The following CYBA variants were observed in gnomAD, a reference collection of about 807,000 sequenced individuals.
CYBA encodes the protein cytochrome b-245 light chain.
In CYBA, 21 loss-of-function variants were observed where a neutral mutation model predicts 20.8. The observed-to-expected ratio is 1.01, with a 90% CI of 0.72 to 1.46. The LOEUF is 1.46. CYBA is among the 40% of genes most tolerant of loss of function. The pLI is 0.00. For synonymous variants in CYBA, 164 were observed against 127.5 expected (o/e 1.29, Z -1.93); for missense variants, 344 against 287.0 (o/e 1.20, Z -1.43).
chr16:88,649,186 C>T (rs898700518), intron 1 of CYBA, among the ~76,000 whole-genome samples: 11 of 152,232 alleles, frequency 7.2e-5, no homozygotes, highest in Non-Finnish European at 1.6e-4. Context: ...ATCCGCCCGC[C>T]TTGGCCTCCC....
rs1413781990 is a variant in CYBA at position 88,643,400 on chromosome 16, C to G, written c.541G>C (p.Gly181Arg). The G allele has an allele frequency of 6.5e-7, 1 of 1,533,658 alleles. No individual in the cohort carries two copies. Among genetic ancestry groups the G allele is most frequent in the East Asian group, 2.5e-5 (1 of 39,858 alleles). The part of the protein sequence containing the change: ...EAAVAAGGPP[G>R]GPQVNPIPVT... ...GGGATGGGGTTGACCTGGGGACCTC[C>G]CGGGGGTCCCCCCGCCGCCACCGCA... Residue 181 changes from glycine (G) to arginine (R), a missense_variant, in exon 6 of 6, where the codon GGA (glycine) becomes CGA (arginine). Coordinates refer to ENST00000261623, the MANE Select transcript of CYBA (RefSeq NM_000101.4). The surrounding 1 kb of genome is among the most constrained non-coding windows in gnomAD (Gnocchi z 4.3).
At chr16:88,645,324 C>T (rs543656991) in intron 5 of CYBA, 65 of 702,450 alleles carry the variant, frequency 9.3e-5, no homozygotes, top group Non-Finnish European at 1.2e-4. Context: ...CACTTCCATA[C>T]GCGGAAGGCG....
Position 88,646,180 on chromosome 16 carries a change from C to T in CYBA, c.305G>A (p.Gly102Asp). The change falls in exon 5 of 6, where the codon GGC becomes GAC. Residue 102 changes from glycine (G) to aspartate (D), a missense_variant. Coordinates refer to ENST00000261623, the MANE Select transcript of CYBA (RefSeq NM_000101.4). ...VLHLLLSVPA[G>D]FLLATILGTA... ...CCCAAGGATGGTGGCCAGCAGGAAG[C>T]CGGCGGGCACCGAGAGCCTGGGGGA... is the stretch of plus-strand genomic sequence containing the variant. The T allele has an allele frequency of 1.3e-6, 2 of 1,554,988 alleles. No homozygotes were observed. Among genetic ancestry groups the T allele is most frequent in the Non-Finnish European group, 1.7e-6 (2 of 1,152,586 alleles).
rs1277646913 is a variant in CYBA, at chr16:88,648,071, G to C, written c.102C>G (p.Thr34=). The C allele has an allele frequency of 1.9e-6, 3 of 1,613,014 alleles. No homozygotes were observed. The highest frequency in any genetic ancestry group is 1.7e-6 in the Non-Finnish European group (2 of 1,179,858). ...TGGAGTAGGCACCAAAGTACCACTGGGTGAAGCGCCCAGCTGTGGCCACGA... is the reference window on the plus strand; with the variant it reads ...TGGAGTAGGCACCAAAGTACCACTGCGTGAAGCGCCCAGCTGTGGCCACGA... ...GGIVATAGRF[T]QWYFGAYSIV... is the part of the protein sequence containing the mutation. The change falls in exon 2 of 6, where the codon ACC becomes ACG. Residue 34 remains threonine, a synonymous_variant. Coordinates refer to ENST00000261623, the MANE Select transcript of CYBA (RefSeq NM_000101.4).
rs758840868 is a variant in CYBA at position 88,647,154 on chromosome 16, G to A, written c.150C>T (p.Cys50=). 8 of 1,610,056 alleles carry A rather than the reference G, an allele frequency of 5.0e-6. No individual in the cohort carries two copies. Among genetic ancestry groups the A allele is most frequent in the South Asian group, 2.2e-5 (2 of 90,922 alleles). Residue 50 remains cysteine, a synonymous_variant, in exon 3 of 6, where the codon TGC becomes TGT. Coordinates refer to ENST00000261623, the MANE Select transcript of CYBA (RefSeq NM_000101.4). ...TCTTCCCCCGGGGGTACTCCAGCAG[G>A]CACACAAACACGCCCGCCACACTGA... is the stretch of plus-strand genomic sequence containing the variant. ...AYSIVAGVFV[C]LLEYPRGKRK... is the part of the protein sequence containing the mutation.
chr16:88,647,941 T>A, intron 2 of CYBA, 104 bp downstream of exon 2: 2 of 1,148,926 alleles, frequency 1.7e-6, no homozygotes, highest in Non-Finnish European at 2.5e-6. Flanking sequence ...TGTCCCAGCC[T>A]GGCTGCGGTG....
At chr16:88,646,064 C>T in intron 5 of CYBA, 52 bp downstream of exon 5, 1 of 1,455,164 alleles carries the variant, frequency 6.9e-7, no homozygotes, top group Non-Finnish European at 9.4e-7. Flanking sequence ...GGTGTCAGGG[C>T]AGGGGCTGGG....
chr16:88,645,951 C>T (rs1018720855), intron 5 of CYBA, 165 bp downstream of exon 5: 2 of 629,958 alleles, frequency 3.2e-6, no homozygotes, highest in Non-Finnish European at 5.6e-6. Flanking sequence ...GCAGCAGCAA[C>T]CGCTGCGTCC....
intron 5 of CYBA, chr16:88,645,194 G>A (rs553031261): frequency 1.4e-6 from 1 of 702,250 alleles, no homozygotes; most frequent in Non-Finnish European, 2.6e-6. Context: ...AGGGAGACGG[G>A]GGGGATGCGG....
At chr16:88,648,845 C>G (rs1907390946) in intron 1 of CYBA, among the ~76,000 whole-genome samples, 1 of 152,032 alleles carries the variant, frequency 6.6e-6, no homozygotes, top group Non-Finnish European at 1.5e-5. Flanking sequence ...TCTCGAACTC[C>G]TGACCTCAGG....
At chr16:88,650,186 G>A in intron 1 of CYBA, 1 of 355,332 alleles carries the variant, frequency 2.8e-6, no homozygotes, top group Non-Finnish European at 5.7e-6. Context: ...CTCCCCCGGT[G>A]CAGGTCCTTC....
rs892998242 is a variant in CYBA at position 88,643,780 on chromosome 16, T to C, written c.370-209A>G. Among the ~76,000 whole-genome samples, 1 of 152,204 alleles carries C rather than the reference T, an allele frequency of 6.6e-6. No individual in the cohort carries two copies. Among genetic ancestry groups the C allele is most frequent in the African/African-American group, 2.4e-5 (1 of 41,450 alleles). The stretch of plus-strand genomic sequence containing the variant: ...GTCGGCCTGACACCAGCCCAAGCTA[T>C]TTCTTCATGCCAGGAGTGGGGCCCG... On this transcript the variant is annotated intron_variant, in intron 5 of 5. Coordinates refer to ENST00000261623, the MANE Select transcript of CYBA (RefSeq NM_000101.4). The surrounding 1 kb of genome is among the most constrained non-coding windows in gnomAD (Gnocchi z 4.3).
At chr16:88,644,956 T>A (rs549821485) in intron 5 of CYBA, 16 of 590,504 alleles carry the variant, frequency 2.7e-5, no homozygotes, top group Middle Eastern at 4.5e-4. Context: ...GAGTCCAAGC[T>A]CCACACGGCC....
chr16:88,646,087 C>A (rs753525357), intron 5 of CYBA, 29 bp downstream of exon 5: 1 of 1,536,708 alleles, frequency 6.5e-7, no homozygotes, highest in East Asian at 2.4e-5. Flanking sequence ...TGGGGGTGGC[C>A]GGGGCCGACC....
At chr16:88,647,952 G>A in intron 2 of CYBA, 93 bp downstream of exon 2, 1 of 1,241,140 alleles carries the variant, frequency 8.1e-7, no homozygotes. Context: ...GGCTGCGGTG[G>A]TGGGGAGCGG....
intron 5 of CYBA, chr16:88,644,993 T>C: frequency 3.3e-6 from 2 of 601,882 alleles, no homozygotes; most frequent in Non-Finnish European, 3.0e-6. Flanking sequence ...CTGGCAAGCG[T>C]GGGAGAAAGC....
intron 5 of CYBA, chr16:88,644,961 A>C: frequency 1.7e-6 from 1 of 593,706 alleles, no homozygotes; most frequent in Non-Finnish European, 3.0e-6. Context: ...CAAGCTCCAC[A>C]CGGCCAGCTC....
intron 1 of CYBA, among the ~76,000 whole-genome samples, chr16:88,649,889 G>C (rs1202467645): frequency 2.0e-5 from 3 of 152,190 alleles, no homozygotes; most frequent in Non-Finnish European, 2.9e-5. Flanking sequence ...ACTTCCTGTA[G>C]GGAGTGCGGG....
At chr16:88,646,273 C>T in intron 4 of CYBA, 76 bp from the exon 5 acceptor site, 1 of 834,502 alleles carries the variant, frequency 1.2e-6, no homozygotes, top group Non-Finnish European at 1.7e-6. Context: ...GTCTGGGGGC[C>T]AAGGCCACAA....
Sources: gnomAD v4.1 joint callset for allele counts (sites outside exome capture counted in the v4.1 genomes callset) on GRCh38, gnomAD v4.1.1 for gene constraint, Gnocchi (gnomAD v3.1) non-coding constraint, MANE v1.5 for transcripts, NCBI Gene and HGNC (gene_info 2026-07-23, HGNC 2026-07-21) for gene names.